BCAS3: variants seen among roughly 807,000 people sequenced by gnomAD.
The protein encoded by BCAS3 is BCAS4/BCAS3 fusion.
BCAS3 carries 53 observed loss-of-function variants against 116.1 expected under a neutral mutation model. That is an observed-to-expected ratio of 0.46 (90% CI 0.37 to 0.57). BCAS3 has a LOEUF of 0.57. Among genes scored for constraint, BCAS3 ranks in the 20% least tolerant of loss-of-function variants. BCAS3 has a pLI of 0.00. For synonymous variants in BCAS3, 391 were observed against 408.2 expected, an observed-to-expected ratio of 0.96 and a Z score of 0.51; for missense variants, 917 against 1,165.4, an observed-to-expected ratio of 0.79 and a Z score of 3.10.
At chr17:61,252,439 A>G (rs1450907097) in intron 22 of BCAS3, among the ~76,000 whole-genome samples, 1 of 152,204 alleles carries the variant, frequency 6.6e-6, no homozygotes, top group East Asian at 1.9e-4. Flanking sequence ...ACATGTCACA[A>G]GCCAGCCAGG....
intron 14 of BCAS3, among the ~76,000 whole-genome samples, chr17:60,974,246 C>A (rs1188933924): frequency 6.6e-6 from 1 of 152,002 alleles, no homozygotes; most frequent in African/African-American, 2.4e-5. Context: ...GAATTCACAG[C>A]CTTATAAGAT....
At position 61,220,718 on chromosome 17, in the gene BCAS3, G is replaced by A. The variant is rs911351539; in HGVS notation, c.2425+136154G>A. 1.3e-5 allele frequency among the ~76,000 whole-genome samples: 2 copies of A among 152,138 alleles called. No individual in the cohort carries two copies. The highest frequency in any genetic ancestry group is 2.9e-5 in the Non-Finnish European group (2 of 68,010). On this transcript the variant is annotated intron_variant, in intron 22 of 23. Transcript: ENST00000407086. This position sits in a 1 kb window ranked among gnomAD's most constrained non-coding sequence, Gnocchi z 4.5. The stretch of plus-strand genomic sequence containing the variant: ...GGTAAGAATGGAAGAAAAAAAAAGT[G>A]GCCAAATTAACAAGGTTGTTGGTGT...
In BCAS3 at chr17:61,243,465, G is replaced by A. The variant is rs1210577599; in HGVS notation, c.2426-124862G>A. Reference sequence around the variant, plus strand: ...TACAGTGAAGTGGAGATACCTCTTCGAGATCCACATTTCAGTTCCTTTTGA... The same window carrying A: ...TACAGTGAAGTGGAGATACCTCTTCAAGATCCACATTTCAGTTCCTTTTGA... On this transcript the variant is annotated intron_variant, in intron 22 of 23. Coordinates refer to ENST00000407086, the MANE Select transcript of BCAS3 (RefSeq NM_017679.5). The surrounding 1 kb of genome is among the most constrained non-coding windows in gnomAD (Gnocchi z 5.6). Among the ~76,000 whole-genome samples, 5 of 152,056 alleles carry A rather than the reference G, an allele frequency of 3.3e-5. No individual in the cohort carries two copies. Among genetic ancestry groups the A allele is most frequent in the African/African-American group, 4.8e-5 (2 of 41,380 alleles).
At chr17:61,030,476 G>C (rs2066555036) in intron 16 of BCAS3, among the ~76,000 whole-genome samples, 1 of 151,974 alleles carries the variant, frequency 6.6e-6, no homozygotes, top group Admixed American at 6.6e-5. Context: ...AAAGGCCAAG[G>C]GAAGAAAAAT....
chr17:61,307,689 A>ATTACTT lies in BCAS3; in HGVS notation c.2426-60635_2426-60630dup, dbSNP rs2144764659. ...TTTATGTCCAAGTGCTCTAAATAAA[A>ATTACTT]TTACTTTTTCCCAAGTGTTCTAGAA... On this transcript the variant is annotated intron_variant, in intron 22 of 23. Transcript: ENST00000407086. The surrounding 1 kb of genome is among the most constrained non-coding windows in gnomAD (Gnocchi z 4.7). 6.6e-6 allele frequency among the ~76,000 whole-genome samples: 1 copy of ATTACTT among 152,372 alleles called. No individual in the cohort carries two copies. Among genetic ancestry groups the ATTACTT allele is most frequent in the Non-Finnish European group, 1.5e-5 (1 of 68,038 alleles).
At position 61,061,160 on chromosome 17, in the gene BCAS3, G is replaced by T. The variant is rs1433783755; in HGVS notation, c.2030-13760G>T. Among the ~76,000 whole-genome samples, 10 of 152,280 alleles carry T rather than the reference G, an allele frequency of 6.6e-5. No homozygotes were observed. The East Asian group carries it at 1.9e-3, about 29-fold the overall frequency. ...ATTTTCCTAACTATAGGGTGAAAAT[G>T]TTTGGTGCCTTCCAGGTCTAAAAGC... On this transcript the variant is annotated intron_variant, in intron 19 of 23. Transcript: ENST00000407086.
At chr17:60,819,701 C>T (rs2049753696) in intron 7 of BCAS3, among the ~76,000 whole-genome samples, 1 of 152,104 alleles carries the variant, frequency 6.6e-6, no homozygotes, top group African/African-American at 2.4e-5. Context: ...AGCTGAGACT[C>T]ATTATCCTTC....
chr17:61,043,601 A>G (rs944283692), intron 19 of BCAS3, among the ~76,000 whole-genome samples: 8 of 151,832 alleles, frequency 5.3e-5, no homozygotes, highest in African/African-American at 1.9e-4. Flanking sequence ...CCTGATACCA[A>G]AGGTATGCAT....
chr17:60,850,971 A>G (rs1363848434), intron 7 of BCAS3, among the ~76,000 whole-genome samples: 1 of 152,238 alleles, frequency 6.6e-6, no homozygotes, highest in Non-Finnish European at 1.5e-5. Flanking sequence ...TAAAGTTTGT[A>G]TGGAAAGGCA....
At chr17:60,762,441 A>G (rs2043635393) in intron 6 of BCAS3, among the ~76,000 whole-genome samples, 1 of 152,156 alleles carries the variant, frequency 6.6e-6, no homozygotes, top group Non-Finnish European at 1.5e-5. Flanking sequence ...TCCCAACACC[A>G]TTTATTAAAT....
chr17:60,814,457 T>C (rs1324328926), intron 7 of BCAS3, among the ~76,000 whole-genome samples: 1 of 152,170 alleles, frequency 6.6e-6, no homozygotes, highest in African/African-American at 2.4e-5. Context: ...AGAAGCCTTT[T>C]GGTGGAGTCT....
At chr17:60,811,247 G>A in intron 7 of BCAS3, 2 of 897,280 alleles carry the variant, frequency 2.2e-6, no homozygotes, top group Non-Finnish European at 1.8e-6. Flanking sequence ...ACAGCGCCAG[G>A]CCCAGGAGTA....
At chr17:61,212,571 T>C (rs1017546987) in intron 22 of BCAS3, among the ~76,000 whole-genome samples, 1 of 151,296 alleles carries the variant, frequency 6.6e-6, no homozygotes, top group Admixed American at 6.6e-5. Flanking sequence ...AACTATATTG[T>C]ATATTTGCAA....
chr17:61,335,055 C>T (rs1011039260), intron 22 of BCAS3, among the ~76,000 whole-genome samples: 12 of 152,212 alleles, frequency 7.9e-5, no homozygotes, highest in Non-Finnish European at 1.6e-4. Context: ...CAGAACAGAC[C>T]GGAGTTCTTC....
chr17:61,267,224 A>AT (rs1411658510), intron 22 of BCAS3, among the ~76,000 whole-genome samples: 2 of 146,922 alleles, frequency 1.4e-5, no homozygotes, highest in South Asian at 2.2e-4. Flanking sequence ...TGCCCAGCTA[A>AT]TTTTTTGTAT....
intron 6 of BCAS3, among the ~76,000 whole-genome samples, chr17:60,796,479 C>T (rs1419044190): frequency 7.2e-5 from 11 of 152,026 alleles, no homozygotes; most frequent in East Asian, 3.9e-4. Context: ...GGAATTTATC[C>T]GTCTCTTCTA....
At position 61,285,764 on chromosome 17, in the gene BCAS3, C is replaced by T. The variant is rs957699160; in HGVS notation, c.2426-82563C>T. The stretch of plus-strand genomic sequence containing the variant: ...GAGACAAGAGACTAGGAGCTAGGAG[C>T]TGCGGATCTGCAGTTTCCCAAAGGT... On this transcript the variant is annotated intron_variant, in intron 22 of 23. Transcript: ENST00000407086. This position sits in a 1 kb window ranked among gnomAD's most constrained non-coding sequence, Gnocchi z 5.4. Among the ~76,000 whole-genome samples, 4 of 152,208 alleles carry T rather than the reference C, an allele frequency of 2.6e-5. No homozygotes were observed. The highest frequency in any genetic ancestry group is 5.9e-5 in the Non-Finnish European group (4 of 68,038).
At chr17:60,692,215 G>C (rs2034924785) in intron 4 of BCAS3, among the ~76,000 whole-genome samples, 2 of 152,094 alleles carry the variant, frequency 1.3e-5, no homozygotes, top group Admixed American at 6.6e-5. Flanking sequence ...GATTAAAACA[G>C]AGGGAACTTT....
At chr17:61,182,343 A>C (rs1033102104) in intron 22 of BCAS3, among the ~76,000 whole-genome samples, 2 of 151,950 alleles carry the variant, frequency 1.3e-5, no homozygotes, top group African/African-American at 4.8e-5. Flanking sequence ...GTTTTTTTTA[A>C]CTTCTTATTT....
Sources: gnomAD v4.1 joint callset for allele counts (sites outside exome capture counted in the v4.1 genomes callset) on GRCh38, gnomAD v4.1.1 for gene constraint, Gnocchi (gnomAD v3.1) non-coding constraint, MANE v1.5 for transcripts, NCBI Gene and HGNC (gene_info 2026-07-23, HGNC 2026-07-21) for gene names.